Variants in PTPRN2 observed in about 807,000 individuals in gnomAD.
PTPRN2 encodes the protein receptor-type tyrosine-protein phosphatase N2.
Under a neutral mutation model 118.8 loss-of-function variants are expected in PTPRN2, and 74 were observed. The ratio of observed to expected loss-of-function variants is 0.62; its 90% CI spans 0.52 to 0.76. PTPRN2 has a LOEUF of 0.76. Ranked by LOEUF, PTPRN2 falls within the 30% of genes least tolerant of loss-of-function variation. The pLI is 0.00. For synonymous variants in PTPRN2, 641 were observed against 608.0 expected, an observed-to-expected ratio of 1.05 and a Z score of -0.80; for missense variants, 1,481 against 1,394.4, an observed-to-expected ratio of 1.06 and a Z score of -0.99.
intron 12 of PTPRN2, among the ~76,000 whole-genome samples, chr7:157,747,925 C>T (rs1184260298): frequency 7.8e-5 from 10 of 128,328 alleles, no homozygotes; most frequent in East Asian, 2.4e-4. Context: ...TGTGGGGTGT[C>T]CGGGCGATTG....
chr7:158,363,223 G>C (rs1399663872), intron 2 of PTPRN2, among the ~76,000 whole-genome samples: 1 of 151,956 alleles, frequency 6.6e-6, no homozygotes, highest in Non-Finnish European at 1.5e-5. Flanking sequence ...GGCTACGGGA[G>C]GACGCTCGGG....
chr7:158,171,308 C>CATACATATATAT lies in PTPRN2; in HGVS notation c.550-4018_550-4017insATATATATGTAT, dbSNP rs1554571676. The stretch of plus-strand genomic sequence containing the variant: ...ATATATACACACATATATATACACA[C>CATACATATATAT]ATATATATATATATATATATATATA... On this transcript the variant is annotated intron_variant, in intron 5 of 22. Coordinates refer to ENST00000389418, the MANE Select transcript of PTPRN2 (RefSeq NM_002847.5). Among the ~76,000 whole-genome samples the CATACATATATAT allele has an allele frequency of 5.5e-4, 27 of 48,654 alleles. 5 individuals are homozygous for CATACATATATAT. The highest frequency in any genetic ancestry group is 2.0e-3 in the South Asian group (3 of 1,534). 31.9% of individuals were successfully genotyped at this position (48,654 alleles called of 152,430 possible).
intron 2 of PTPRN2, among the ~76,000 whole-genome samples, chr7:158,456,287 A>C (rs1340500489): frequency 6.8e-6 from 1 of 147,170 alleles, no homozygotes; most frequent in African/African-American, 2.5e-5. Context: ...ATTGCTCCAC[A>C]GAGAAGATAA....
At chr7:158,418,341 T>G (rs1217434838) in intron 2 of PTPRN2, among the ~76,000 whole-genome samples, 1 of 151,226 alleles carries the variant, frequency 6.6e-6, no homozygotes, top group Non-Finnish European at 1.5e-5. Context: ...GCTCTAGCTC[T>G]CCGTGTCCCG....
rs113148835 is a variant in PTPRN2 at position 158,059,507 on chromosome 7, A to G, written c.1723+21791T>C. Among the ~76,000 whole-genome samples, 15 of 109,148 alleles carry G rather than the reference A, an allele frequency of 1.4e-4. 1 individual carries two copies. Among genetic ancestry groups the G allele is most frequent in the South Asian group, 3.3e-4 (1 of 3,004 alleles). 71.6% of individuals were successfully genotyped at this position (109,148 alleles called of 152,430 possible). On this transcript the variant is annotated intron_variant, in intron 11 of 22. Transcript: ENST00000389418. ...CTGCAGCCACACTCCATCTGCACAC[A>G]GTGACACATCACTGCAGCCACACTC...
chr7:158,200,814 T>C (rs1305047310), intron 4 of PTPRN2, among the ~76,000 whole-genome samples: 1 of 152,148 alleles, frequency 6.6e-6, no homozygotes, highest in Admixed American at 6.5e-5. Flanking sequence ...TTCAAAAGGA[T>C]ATAAAATGAC....
intron 2 of PTPRN2, among the ~76,000 whole-genome samples, chr7:158,460,519 C>A (rs1401383521): frequency 1.4e-5 from 2 of 145,750 alleles, no homozygotes; most frequent in Admixed American, 1.4e-4. Context: ...TATCTACATG[C>A]TCCTCCTACG....
intron 11 of PTPRN2, among the ~76,000 whole-genome samples, chr7:157,971,949 C>T (rs1263071743): frequency 6.6e-6 from 1 of 152,232 alleles, no homozygotes; most frequent in Non-Finnish European, 1.5e-5. Flanking sequence ...GATGTCAGTT[C>T]TGCATACCCA....
At chr7:157,911,326 C>G (rs1383499159) in intron 11 of PTPRN2, among the ~76,000 whole-genome samples, 1 of 152,178 alleles carries the variant, frequency 6.6e-6, no homozygotes, top group African/African-American at 2.4e-5. Flanking sequence ...ACGCTCATTT[C>G]TACCTGAACA....
chr7:158,142,202 G>A (rs1374469227), intron 6 of PTPRN2, among the ~76,000 whole-genome samples: 1 of 152,180 alleles, frequency 6.6e-6, no homozygotes, highest in Non-Finnish European at 1.5e-5. Flanking sequence ...CTGCGATCCG[G>A]AGCCCACGCC....
Position 158,142,850 on chromosome 7 carries a change from C to T in PTPRN2, c.911-4335G>A, listed in dbSNP as rs1435091172. The stretch of plus-strand genomic sequence containing the variant: ...CAGTCCCAGGTCAACGGCACCCATG[C>T]CCCAGCTCCTTCCACGCTGACAGGC... On this transcript the variant is annotated intron_variant, in intron 6 of 22. Coordinates refer to ENST00000389418, the MANE Select transcript of PTPRN2 (RefSeq NM_002847.5). Among the ~76,000 whole-genome samples, 3 of 152,206 alleles carry T rather than the reference C, an allele frequency of 2.0e-5. No individual in the cohort carries two copies. In the South Asian group the frequency reaches 6.2e-4, roughly 32 times the overall value.
At chr7:157,933,785 G>A (rs373367283) in intron 11 of PTPRN2, among the ~76,000 whole-genome samples, 1,417 of 99,668 alleles carry the variant, frequency 0.014, 5 homozygotes, top group Non-Finnish European at 0.021. Flanking sequence ...TTTTAGAGGA[G>A]GGGTGAGTCA....
intron 2 of PTPRN2, among the ~76,000 whole-genome samples, chr7:158,326,657 C>CAG (rs1803561048): frequency 6.7e-6 from 1 of 149,874 alleles, no homozygotes; most frequent in Non-Finnish European, 1.5e-5. Context: ...CACATGCTCA[C>CAG]ACTCTCACAT....
At chr7:158,535,755 C>T (rs905695940) in intron 1 of PTPRN2, among the ~76,000 whole-genome samples, 1 of 151,000 alleles carries the variant, frequency 6.6e-6, no homozygotes, top group Non-Finnish European at 1.5e-5. Context: ...ATTGTTTTTA[C>T]ATAAAGTGTT....
intron 10 of PTPRN2, among the ~76,000 whole-genome samples, chr7:158,097,562 G>A (rs928875097): frequency 1.3e-5 from 2 of 152,162 alleles, no homozygotes; most frequent in African/African-American, 4.8e-5. Context: ...CACAGAGCCC[G>A]TCTCACTGTG....
chr7:157,546,520 C>G (rs575855701), intron 22 of PTPRN2, among the ~76,000 whole-genome samples: 1 of 152,326 alleles, frequency 6.6e-6, no homozygotes, highest in East Asian at 1.9e-4. Flanking sequence ...TAAGTGGGAA[C>G]AGGCAGTGTT....
intron 12 of PTPRN2, among the ~76,000 whole-genome samples, chr7:157,762,309 G>A (rs1440283635): frequency 6.6e-6 from 1 of 152,090 alleles, no homozygotes; most frequent in East Asian, 1.9e-4. Flanking sequence ...GTTTATTGCA[G>A]CATTATTCAC....
chr7:158,020,468 G>A (rs1806788291), intron 11 of PTPRN2, among the ~76,000 whole-genome samples: 1 of 152,176 alleles, frequency 6.6e-6, no homozygotes, highest in Non-Finnish European at 1.5e-5. Context: ...AGGAGAGGGA[G>A]GGGCGAGGGC....
intron 9 of PTPRN2, among the ~76,000 whole-genome samples, chr7:158,122,946 A>C (rs906709509): frequency 2.6e-5 from 4 of 152,132 alleles, no homozygotes; most frequent in African/African-American, 9.7e-5. Context: ...AGATGAAATC[A>C]AGCCAAGAAC....
Sources: allele counts gnomAD v4.1 joint callset (sites outside exome capture counted in the v4.1 genomes callset), GRCh38; gene constraint gnomAD v4.1.1; transcripts MANE v1.5; gene names NCBI Gene and HGNC (gene_info 2026-07-23, HGNC 2026-07-21).